Variants in CAST observed in about 807,000 individuals in gnomAD.
CAST encodes MIR583 host.
CAST carries 76 observed loss-of-function variants against 119.6 expected under a neutral mutation model. The observed-to-expected ratio is 0.64, with a 90% confidence interval of 0.53 to 0.77. CAST has a LOEUF of 0.77. Among genes scored for constraint, CAST ranks in the 30% least tolerant of loss-of-function variants. The pLI, the probability that CAST is intolerant of heterozygous loss-of-function variation, is 0.00. For synonymous variants in CAST, 319 were observed against 331.6 expected, an observed-to-expected ratio of 0.96 and a Z score of 0.41; for missense variants, 953 against 946.5, an observed-to-expected ratio of 1.01 and a Z score of -0.09.
At chr5:96,286,340 A>G in the CAST span, among the ~76,000 whole-genome samples, 1 of 152,182 alleles carries the variant, frequency 6.6e-6, no homozygotes, top group Non-Finnish European at 1.5e-5. Context: ...AGCGGAGACA[A>G]GATATTACTT....
chr5:96,019,259 T>C, the CAST span, among the ~76,000 whole-genome samples: 84 of 152,350 alleles, frequency 5.5e-4, no homozygotes, highest in African/African-American at 1.9e-3. Context: ...TTGTGTGTAC[T>C]GGGACATTGA....
intron 1 of CAST, among the ~76,000 whole-genome samples, chr5:96,612,650 T>C (rs77084765): frequency 1.3e-5 from 2 of 152,206 alleles, no homozygotes; most frequent in African/African-American, 4.8e-5. Context: ...TACGTTTTAA[T>C]CTAATCAAAT....
chr5:96,243,016 A>G, the CAST span, among the ~76,000 whole-genome samples: 2 of 152,180 alleles, frequency 1.3e-5, no homozygotes, highest in African/African-American at 4.8e-5. Context: ...CTACTCTATA[A>G]ATACGTTCAA....
At chr5:96,231,773 T>C in the CAST span, among the ~76,000 whole-genome samples, 1 of 151,402 alleles carries the variant, frequency 6.6e-6, no homozygotes, top group South Asian at 2.1e-4. Context: ...AATAAAAACA[T>C]AAAAAGGCAA....
chr5:96,507,204 G>T, the CAST span, among the ~76,000 whole-genome samples: 1 of 152,082 alleles, frequency 6.6e-6, no homozygotes, highest in Admixed American at 6.5e-5. Context: ...GGAGCCAGCT[G>T]CATTCACGTC....
chr5:96,380,083 G>A, the CAST span, among the ~76,000 whole-genome samples: 3 of 152,168 alleles, frequency 2.0e-5, no homozygotes, highest in South Asian at 2.1e-4. Context: ...ATTATCATGC[G>A]CACAACCCTG....
At chr5:96,323,180 G>C in the CAST span, among the ~76,000 whole-genome samples, 1 of 152,246 alleles carries the variant, frequency 6.6e-6, no homozygotes, top group East Asian at 1.9e-4. Context: ...GAAGTGGGAG[G>C]TAAATTGAGG....
chr5:96,045,539 G>C, the CAST span, among the ~76,000 whole-genome samples: 2 of 151,990 alleles, frequency 1.3e-5, no homozygotes, highest in African/African-American at 4.8e-5. Flanking sequence ...CCAGTCACTG[G>C]TGATACAAAG....
chr5:96,403,022 T>C, the CAST span, among the ~76,000 whole-genome samples: 1 of 152,164 alleles, frequency 6.6e-6, no homozygotes, highest in Non-Finnish European at 1.5e-5. Context: ...GTTTTCCGTT[T>C]GGATCATCAG....
At chr5:96,545,160 G>A (rs1046719163) in intron 1 of CAST, 4 of 152,102 alleles carry the variant, frequency 2.6e-5, no homozygotes, top group Non-Finnish European at 4.4e-5. Flanking sequence ...GATGTCCAAT[G>A]TCTAGAAAAC....
At chr5:96,462,326 A>G in the CAST span, among the ~76,000 whole-genome samples, 2 of 152,236 alleles carry the variant, frequency 1.3e-5, no homozygotes, top group Non-Finnish European at 2.9e-5. Flanking sequence ...CTAGTCATTA[A>G]ATATTGTGGA....
the CAST span, among the ~76,000 whole-genome samples, chr5:96,503,993 C>T: frequency 6.6e-6 from 1 of 152,182 alleles, no homozygotes; most frequent in Non-Finnish European, 1.5e-5. Flanking sequence ...AGAAGTGACT[C>T]TCCAGGCTGC....
chr5:96,123,335 G>A, the CAST span, among the ~76,000 whole-genome samples: 1 of 152,022 alleles, frequency 6.6e-6, no homozygotes, highest in African/African-American at 2.4e-5. Context: ...TTATTTACTT[G>A]GACACCTAGG....
In CAST at chr5:96,773,321, CA is replaced by C. The variant is rs1773129882; in HGVS notation, c.*707del. ...GCACAGAACACACTGAGACTTGAAT[CA>C]AGTCAGCAACAGAGCAAAATAAAGG... is the stretch of plus-strand genomic sequence containing the variant. On this transcript the variant is annotated 3_prime_UTR_variant, in exon 32 of 32. Transcript: ENST00000675179. 6.5e-6 allele frequency: 1 copy of C among 153,432 alleles called. No homozygotes were observed. Among genetic ancestry groups the C allele is most frequent in the Non-Finnish European group, 1.5e-5 (1 of 68,012 alleles). 9.5% of individuals were successfully genotyped at this position (153,432 alleles called of 1,614,324 possible).
At chr5:96,672,004 T>A (rs1750136341) in intron 1 of CAST, among the ~76,000 whole-genome samples, 1 of 152,262 alleles carries the variant, frequency 6.6e-6, no homozygotes, top group Non-Finnish European at 1.5e-5. Flanking sequence ...CAATAAATGA[T>A]CAGGGCAATG....
At chr5:96,686,812 T>C (rs1321583329) in intron 2 of CAST, among the ~76,000 whole-genome samples, 1 of 152,160 alleles carries the variant, frequency 6.6e-6, no homozygotes, top group Non-Finnish European at 1.5e-5. Context: ...TGTTAAACAA[T>C]AGTAAGGCAG....
chr5:96,111,334 A>G, the CAST span, among the ~76,000 whole-genome samples: 1 of 152,186 alleles, frequency 6.6e-6, no homozygotes, highest in Non-Finnish European at 1.5e-5. Flanking sequence ...CTTCCTGGCA[A>G]GTGGACACAT....
the CAST span, among the ~76,000 whole-genome samples, chr5:96,071,270 T>A: frequency 6.6e-6 from 1 of 151,982 alleles, no homozygotes; most frequent in Non-Finnish European, 1.5e-5. Flanking sequence ...AGCACCCCAT[T>A]TGAGTCTCAG....
At chr5:96,143,676 A>G in the CAST span, among the ~76,000 whole-genome samples, 1 of 152,016 alleles carries the variant, frequency 6.6e-6, no homozygotes, top group Non-Finnish European at 1.5e-5. Flanking sequence ...AGTTATTTCA[A>G]CTCTATAAAC....
Sources: gnomAD v4.1 joint callset for allele counts (sites outside exome capture counted in the v4.1 genomes callset) on GRCh38, gnomAD v4.1.1 for gene constraint, MANE v1.5 for transcripts, NCBI Gene and HGNC (gene_info 2026-07-23, HGNC 2026-07-21) for gene names.